The following TSPAN9 variants were observed in gnomAD, a reference collection of about 807,000 sequenced individuals.
TSPAN9 encodes tetraspanin-9.
A neutral mutation model predicts 31.0 loss-of-function variants in TSPAN9; 16 were observed. That is an observed-to-expected ratio of 0.52 (90% CI 0.35 to 0.78). The LOEUF is 0.78. Ranked by LOEUF, TSPAN9 falls within the 30% of genes least tolerant of loss-of-function variation. The pLI, the probability that TSPAN9 is intolerant of heterozygous loss-of-function variation, is 0.01. For missense variants in TSPAN9, 272 were observed against 312.5 expected (o/e 0.87, Z 0.98); for synonymous variants, 145 against 121.6 (o/e 1.19, Z -1.27).
At chr12:3,175,118 C>T (rs528234442) in intron 2 of TSPAN9, among the ~76,000 whole-genome samples, 2 of 129,426 alleles carry the variant, frequency 1.5e-5, no homozygotes, top group African/African-American at 5.1e-5. Flanking sequence ...CAGGGCGAGG[C>T]TGGGGGCATC....
At chr12:3,271,556 AAAAG>A (rs1280394066) in intron 3 of TSPAN9, among the ~76,000 whole-genome samples, 2,189 of 152,118 alleles carry the variant, frequency 0.014, 59 homozygotes, top group African/African-American at 0.05. Context: ...AAAAAAAAAA[AAAAG>A]AAGAATGGAG....
chr12:3,222,795 A>G lies in TSPAN9; in HGVS notation c.63+21539A>G, dbSNP rs1027110212. Among the ~76,000 whole-genome samples, 9 of 152,264 alleles carry G rather than the reference A, an allele frequency of 5.9e-5. No homozygotes were observed. The East Asian group carries it at 1.7e-3, about 29-fold the overall frequency. On this transcript the variant is annotated intron_variant, in intron 3 of 8. Coordinates refer to ENST00000011898, the MANE Select transcript of TSPAN9 (RefSeq NM_006675.5). ...TTCAGGTCCTTGTTCTACCATGACTAATAGCCCTCTCCTTAAACCACCCCC... is the reference window on the plus strand; with the variant it reads ...TTCAGGTCCTTGTTCTACCATGACTGATAGCCCTCTCCTTAAACCACCCCC...
intron 8 of TSPAN9, 194 bp downstream of exon 8, chr12:3,282,011 C>G: frequency 1.3e-6 from 1 of 752,380 alleles, no homozygotes; most frequent in Non-Finnish European, 2.4e-6. Context: ...CTACTCAGCA[C>G]TGAGAGTGGT....
At position 3,114,614 on chromosome 12, in the gene TSPAN9, G is replaced by A. The variant is rs575437490; in HGVS notation, c.-18+30895G>A. Among the ~76,000 whole-genome samples the A allele has an allele frequency of 9.8e-4, 149 of 152,156 alleles. 1 individual carries two copies. Among genetic ancestry groups the A allele is most frequent in the African/African-American group, 3.4e-3 (142 of 41,512 alleles). ...ACCCAGCACTTTGGGAGGCTGAGGC[G>A]GGTGGATCACCTGAGGCCAGGAGTT... On this transcript the variant is annotated intron_variant, in intron 2 of 8. Transcript: ENST00000011898.
At chr12:3,100,077 A>G (rs10848798) in intron 2 of TSPAN9, among the ~76,000 whole-genome samples, 75,826 of 151,770 alleles carry the variant, frequency 0.5, 19,855 homozygotes, top group African/African-American at 0.64. Context: ...TCCTGACCTC[A>G]TGGTGATCCG....
intron 2 of TSPAN9, among the ~76,000 whole-genome samples, chr12:3,132,710 T>C (rs554998087): frequency 6.6e-6 from 1 of 152,178 alleles, no homozygotes; most frequent in Admixed American, 6.5e-5. Flanking sequence ...CCCACTTCCC[T>C]GGTTCCAGAT....
At chr12:3,085,911 G>C (rs1320389226) in intron 2 of TSPAN9, among the ~76,000 whole-genome samples, 1 of 152,192 alleles carries the variant, frequency 6.6e-6, no homozygotes, top group Non-Finnish European at 1.5e-5. Flanking sequence ...GACTGGGGGT[G>C]GAAGTTGTTT....
Position 3,283,231 on chromosome 12 carries a change from G to C in TSPAN9, c.*115G>C. ...ATGACCCCTGCACCCACCCCCCACA[G>C]CCTGCCCTACCCCACCTACCCTGCC... On this transcript the variant is annotated 3_prime_UTR_variant, in exon 9 of 9. Coordinates refer to ENST00000011898, the MANE Select transcript of TSPAN9 (RefSeq NM_006675.5). 1 of 1,094,770 alleles carries C rather than the reference G, an allele frequency of 9.1e-7. No individual in the cohort carries two copies. The highest frequency in any genetic ancestry group is 1.3e-6 in the Non-Finnish European group (1 of 768,026). The allele number at this position is 1,094,770 out of a possible 1,614,324, so 67.8% of individuals were successfully genotyped here.
At chr12:3,241,942 CAG>C (rs547120000) in intron 3 of TSPAN9, among the ~76,000 whole-genome samples, 149 of 152,366 alleles carry the variant, frequency 9.8e-4, no homozygotes, top group Middle Eastern at 6.8e-3. Flanking sequence ...CTCCAGCACA[CAG>C]GGGGCCACTC....
chr12:3,187,808 T>C lies in TSPAN9; in HGVS notation c.-17-13369T>C, dbSNP rs1053987028. Among the ~76,000 whole-genome samples the C allele has an allele frequency of 6.6e-6, 1 of 152,132 alleles. No individual in the cohort carries two copies. Among genetic ancestry groups the C allele is most frequent in the African/African-American group, 2.4e-5 (1 of 41,412 alleles). On this transcript the variant is annotated intron_variant, in intron 2 of 8. Coordinates refer to ENST00000011898, the MANE Select transcript of TSPAN9 (RefSeq NM_006675.5). This position sits in a 1 kb window ranked among gnomAD's most constrained non-coding sequence, Gnocchi z 5.2. Reference sequence around the variant, plus strand: ...CACGTACCCCTTCTCCAAGAAGCCCTTCCTGATGGGCCAGACTCTCCCTGG... The same window carrying C: ...CACGTACCCCTTCTCCAAGAAGCCCCTCCTGATGGGCCAGACTCTCCCTGG...
At chr12:3,218,425 G>C (rs1405207114) in intron 3 of TSPAN9, among the ~76,000 whole-genome samples, 2 of 152,232 alleles carry the variant, frequency 1.3e-5, no homozygotes, top group Non-Finnish European at 2.9e-5. Flanking sequence ...AGGACTGCCA[G>C]GAGGAGACCT....
intron 3 of TSPAN9, among the ~76,000 whole-genome samples, chr12:3,266,413 C>T (rs1309673694): frequency 1.3e-5 from 2 of 152,166 alleles, no homozygotes; most frequent in African/African-American, 2.4e-5. Flanking sequence ...GATCGGCACT[C>T]GTCCACAGCC....
At chr12:3,098,670 G>T (rs1269589861) in intron 2 of TSPAN9, among the ~76,000 whole-genome samples, 2 of 150,986 alleles carry the variant, frequency 1.3e-5, no homozygotes, top group African/African-American at 4.9e-5. Context: ...CAGTCATGAG[G>T]TTTCATTTTT....
chr12:3,121,377 T>C (rs1356721113), intron 2 of TSPAN9, among the ~76,000 whole-genome samples: 1 of 51,326 alleles, frequency 1.9e-5, no homozygotes, highest in Non-Finnish European at 3.7e-5. Flanking sequence ...TTTTTTTTTT[T>C]GAGACAGGTT....
chr12:3,116,487 C>T (rs935719153), intron 2 of TSPAN9, among the ~76,000 whole-genome samples: 4 of 152,122 alleles, frequency 2.6e-5, no homozygotes, highest in Non-Finnish European at 5.9e-5. Context: ...TTAGAATAAA[C>T]GATACTCAAA....
chr12:3,206,224 G>T (rs2098375084), intron 3 of TSPAN9: 7 of 436,914 alleles, frequency 1.6e-5, no homozygotes, highest in South Asian at 6.4e-5. Context: ...TGGGGTCCCA[G>T]TTGGGTCCAT....
At chr12:3,281,877 G>A (rs1862902307) in intron 8 of TSPAN9, 60 bp downstream of exon 8, 3 of 1,557,866 alleles carry the variant, frequency 1.9e-6, no homozygotes, top group South Asian at 1.1e-5. Context: ...CAGAGGGAAG[G>A]AAGCACAGAG....
chr12:3,080,321 A>T (rs1192258466), intron 1 of TSPAN9, among the ~76,000 whole-genome samples: 1 of 152,020 alleles, frequency 6.6e-6, no homozygotes, highest in Non-Finnish European at 1.5e-5. Flanking sequence ...AAAACACTGA[A>T]TGTAAAATCT....
intron 3 of TSPAN9, among the ~76,000 whole-genome samples, chr12:3,243,041 G>A (rs2098397428): frequency 6.6e-6 from 1 of 152,226 alleles, no homozygotes; most frequent in African/African-American, 2.4e-5. Context: ...GAAAGTTGGG[G>A]TGTGGATGGT....
Sources: gnomAD v4.1 joint callset for allele counts (sites outside exome capture counted in the v4.1 genomes callset) on GRCh38, gnomAD v4.1.1 for gene constraint, Gnocchi (gnomAD v3.1) non-coding constraint, MANE v1.5 for transcripts, NCBI Gene and HGNC (gene_info 2026-07-23, HGNC 2026-07-21) for gene names.